The following HACD2 variants were observed in gnomAD, a reference collection of about 807,000 sequenced individuals.
HACD2 encodes the protein 3-hydroxyacyl-CoA dehydratase 2, also known as very-long-chain (3R)-3-hydroxyacyl-CoA dehydratase 2.
In HACD2, 15 loss-of-function variants were observed where a neutral mutation model predicts 31.0. That is an observed-to-expected ratio of 0.48 (90% CI 0.32 to 0.75). The LOEUF (loss-of-function observed/expected upper bound fraction) is 0.75, where lower values mean the gene tolerates loss of function less well. Among genes scored for constraint, HACD2 ranks in the 30% least tolerant of loss-of-function variants. HACD2 has a pLI of 0.03. For synonymous variants in HACD2, 115 were observed against 122.2 expected, an observed-to-expected ratio of 0.94 and a Z score of 0.39; for missense variants, 283 against 313.0, an observed-to-expected ratio of 0.90 and a Z score of 0.72.
intron 4 of HACD2, among the ~76,000 whole-genome samples, chr3:123,514,228 T>C (rs1185739001): frequency 6.6e-6 from 1 of 151,910 alleles, no homozygotes; most frequent in Non-Finnish European, 1.5e-5. Flanking sequence ...TGAGCCAAGA[T>C]CTCGCCATTG....
rs1484163741 is a variant in HACD2, at chr3:123,528,274, CATGACCTGGAACT to C, written c.381+99_381+111del. The C allele has an allele frequency of 4.1e-5, 29 of 705,840 alleles. No homozygotes were observed. The African/African-American group carries it at 4.7e-4, about 12-fold the overall frequency. 43.7% of individuals were successfully genotyped at this position (705,840 alleles called of 1,614,324 possible). On this transcript the variant is annotated intron_variant, in intron 4 of 6. Transcript: ENST00000383657. ...GTGAGCTTTATCTCAGCTATATTGA[CATGACCTGGAACT>C]CTGACCTGGAACTCTTTAGCCATAA...
chr3:123,555,953 A>G (rs2056668300), intron 3 of HACD2, among the ~76,000 whole-genome samples: 3 of 152,232 alleles, frequency 2.0e-5, no homozygotes, highest in African/African-American at 7.2e-5. Context: ...GAGAAAGAAT[A>G]GACTTTTCAA....
intron 3 of HACD2, among the ~76,000 whole-genome samples, chr3:123,544,057 T>C (rs1327114537): frequency 6.6e-6 from 1 of 152,164 alleles, no homozygotes; most frequent in East Asian, 1.9e-4. Flanking sequence ...TTCACACAGA[T>C]GTTAAAAGTA....
intron 3 of HACD2, among the ~76,000 whole-genome samples, chr3:123,542,344 T>C (rs1251942791): frequency 1.3e-5 from 2 of 152,136 alleles, no homozygotes; most frequent in Non-Finnish European, 2.9e-5. Flanking sequence ...TTAATACTTA[T>C]GATTTTTCTA....
At chr3:123,550,314 T>C (rs2056606620) in intron 3 of HACD2, among the ~76,000 whole-genome samples, 1 of 151,554 alleles carries the variant, frequency 6.6e-6, no homozygotes, top group Non-Finnish European at 1.5e-5. Flanking sequence ...CTGAAGAGAA[T>C]GTGAATAGGG....
intron 4 of HACD2, among the ~76,000 whole-genome samples, chr3:123,508,149 T>C (rs1276233083): frequency 2.1e-4 from 32 of 152,280 alleles, no homozygotes; most frequent in Admixed American, 2.0e-3. Context: ...AGGTTTAGGA[T>C]AGGTTGCCAA....
intron 4 of HACD2, among the ~76,000 whole-genome samples, chr3:123,522,133 G>A (rs1010322177): frequency 8.5e-5 from 13 of 152,066 alleles, no homozygotes; most frequent in South Asian, 4.2e-4. Flanking sequence ...GTTCGAGACC[G>A]TGCCTCTACA....
At position 123,533,661 on chromosome 3, in the gene HACD2, T is replaced by G. The variant is rs1037984044; in HGVS notation, c.293-5187A>C. Among the ~76,000 whole-genome samples the G allele has an allele frequency of 1.4e-4, 22 of 152,212 alleles. 1 individual carries two copies. Among genetic ancestry groups the G allele is most frequent in the Admixed American group, 1.3e-4 (2 of 15,286 alleles). ...TAGCCTAAAATTCATTCAAAAAAGA[T>G]GTACCAGACATCTACTATTTGTTAA... On this transcript the variant is annotated intron_variant, in intron 3 of 6. Coordinates refer to ENST00000383657, the MANE Select transcript of HACD2 (RefSeq NM_198402.5).
chr3:123,533,691 T>C (rs1470699813), intron 3 of HACD2, among the ~76,000 whole-genome samples: 1 of 152,220 alleles, frequency 6.6e-6, no homozygotes, highest in Admixed American at 6.5e-5. Context: ...TGTTAATATT[T>C]GTGGAGCGCC....
intron 4 of HACD2, among the ~76,000 whole-genome samples, chr3:123,507,085 C>T (rs534843176): frequency 1.3e-4 from 20 of 152,142 alleles, no homozygotes; most frequent in East Asian, 9.7e-4. Flanking sequence ...AGTGAGATTC[C>T]GTTTCTACAA....
intron 2 of HACD2, among the ~76,000 whole-genome samples, chr3:123,577,497 T>C (rs2056920194): frequency 6.6e-6 from 1 of 151,712 alleles, no homozygotes; most frequent in African/African-American, 2.4e-5. Flanking sequence ...GGCGGGCGCC[T>C]GTAGTCCCAG....
intron 3 of HACD2, among the ~76,000 whole-genome samples, chr3:123,542,142 G>A (rs190919581): frequency 0.048 from 1,777 of 36,888 alleles, 104 homozygotes; most frequent in East Asian, 0.37. Context: ...GCGAGACTCC[G>A]TCTCAAAAAA....
chr3:123,582,421 C>T, intron 1 of HACD2, 92 bp from the exon 2 acceptor site: 1 of 768,218 alleles, frequency 1.3e-6, no homozygotes, highest in Non-Finnish European at 2.0e-6. Flanking sequence ...AAAGATATTG[C>T]TAAAGGTGAC....
intron 1 of HACD2, among the ~76,000 whole-genome samples, chr3:123,583,776 A>G (rs1189077145): frequency 6.6e-6 from 1 of 152,180 alleles, no homozygotes; most frequent in African/African-American, 2.4e-5. Context: ...CATCTTAAGG[A>G]TACACAAAAT....
rs2055792936 is a variant in HACD2 at position 123,493,567 on chromosome 3, T to C, written c.*1321A>G. On this transcript the variant is annotated 3_prime_UTR_variant, in exon 7 of 7. Transcript: ENST00000383657. ...TGTGCTATTTAATACTTAATGCACATCTAAACTTGGGCTTTCACATTTTCA... is the reference window on the plus strand; with the variant it reads ...TGTGCTATTTAATACTTAATGCACACCTAAACTTGGGCTTTCACATTTTCA... The C allele has an allele frequency of 6.6e-6, 1 of 152,226 alleles. No individual in the cohort carries two copies. The highest frequency in any genetic ancestry group is 6.5e-5 in the Admixed American group (1 of 15,282). 9.4% of individuals were successfully genotyped at this position (152,226 alleles called of 1,614,324 possible).
intron 3 of HACD2, among the ~76,000 whole-genome samples, chr3:123,544,556 T>TA (rs2056532500): frequency 6.6e-6 from 1 of 152,148 alleles, no homozygotes; most frequent in Non-Finnish European, 1.5e-5. Flanking sequence ...TGTTAGAAGA[T>TA]AAATCAAAAT....
At chr3:123,540,121 C>A (rs556869957) in intron 3 of HACD2, among the ~76,000 whole-genome samples, 1 of 150,806 alleles carries the variant, frequency 6.6e-6, no homozygotes, top group African/African-American at 2.4e-5. Context: ...AGAAAAAAAT[C>A]CTGGTGCTTG....
rs898486431 is a variant in HACD2 at position 123,571,274 on chromosome 3, C to A, written c.274-3494G>T. Among the ~76,000 whole-genome samples, 3 of 152,218 alleles carry A rather than the reference C, an allele frequency of 2.0e-5. 1 individual carries two copies. Among genetic ancestry groups the A allele is most frequent in the Admixed American group, 2.0e-4 (3 of 15,290 alleles). Reference sequence around the variant, plus strand: ...TTCTTAAGGCGATCCCCCACAATTACTGTTCCTTGGCTATTCAATCAAACA... The same window carrying A: ...TTCTTAAGGCGATCCCCCACAATTAATGTTCCTTGGCTATTCAATCAAACA... On this transcript the variant is annotated intron_variant, in intron 2 of 6. Coordinates refer to ENST00000383657, the MANE Select transcript of HACD2 (RefSeq NM_198402.5).
intron 1 of HACD2, 72 bp from the exon 2 acceptor site, chr3:123,582,401 T>G: frequency 2.0e-6 from 2 of 1,005,104 alleles, no homozygotes; most frequent in South Asian, 1.7e-5. Context: ...AACACACAGC[T>G]GTGGCAATAA....
Sources: gnomAD v4.1 joint callset for allele counts (sites outside exome capture counted in the v4.1 genomes callset) on GRCh38, gnomAD v4.1.1 for gene constraint, MANE v1.5 for transcripts, NCBI Gene and HGNC (gene_info 2026-07-23, HGNC 2026-07-21) for gene names.